Variants in GPATCH8 observed in about 807,000 individuals in gnomAD.
GPATCH8 encodes G-patch domain containing 8.
A neutral mutation model predicts 118.3 loss-of-function variants in GPATCH8; 18 were observed. The observed-to-expected ratio is 0.15, with a 90% CI of 0.11 to 0.23. The LOEUF (loss-of-function observed/expected upper bound fraction) is 0.23, where lower values mean the gene tolerates loss of function less well. Among genes scored for constraint, GPATCH8 ranks in the 10% least tolerant of loss-of-function variants. The pLI is 1.00. For synonymous variants in GPATCH8, 659 were observed against 684.7 expected (o/e 0.96, Z 0.59); for missense variants, 1,631 against 1,873.8 (o/e 0.87, Z 2.39).
chr17:44,493,721 C>T (rs1000070753), intron 1 of GPATCH8, among the ~76,000 whole-genome samples: 1 of 152,130 alleles, frequency 6.6e-6, no homozygotes, highest in Non-Finnish European at 1.5e-5. Flanking sequence ...AATTCCGTCT[C>T]TTTTATTTAA....
intron 6 of GPATCH8, among the ~76,000 whole-genome samples, chr17:44,421,040 C>T (rs761673811): frequency 1.3e-5 from 2 of 151,958 alleles, no homozygotes; most frequent in Non-Finnish European, 2.9e-5. Flanking sequence ...TTAGTAGAGA[C>T]GGGGTTTCAC....
intron 6 of GPATCH8, among the ~76,000 whole-genome samples, chr17:44,421,892 A>C (rs1436963284): frequency 6.6e-6 from 1 of 151,136 alleles, no homozygotes; most frequent in Non-Finnish European, 1.5e-5. Flanking sequence ...ATGCCTGGCT[A>C]ATTTTTGTAG....
At chr17:44,424,534 G>A in intron 5 of GPATCH8, 42 bp from the exon 6 acceptor site, 1 of 1,464,848 alleles carries the variant, frequency 6.8e-7, no homozygotes, top group Non-Finnish European at 9.6e-7. Context: ...AAATGAACTT[G>A]GTAAAACTTT....
At chr17:44,416,644 T>C (rs2049697194) in intron 6 of GPATCH8, among the ~76,000 whole-genome samples, 1 of 152,196 alleles carries the variant, frequency 6.6e-6, no homozygotes, top group African/African-American at 2.4e-5. Flanking sequence ...GCATAATCCC[T>C]GAAGAGAACT....
At chr17:44,437,967 A>G (rs913755695) in intron 3 of GPATCH8, among the ~76,000 whole-genome samples, 50 of 150,972 alleles carry the variant, frequency 3.3e-4, no homozygotes, top group Non-Finnish European at 4.9e-4. Context: ...AAACAAAACA[A>G]CAACTTCTAG....
chr17:44,407,513 C>T (rs2049275663), intron 6 of GPATCH8, among the ~76,000 whole-genome samples: 1 of 152,116 alleles, frequency 6.6e-6, no homozygotes, highest in Non-Finnish European at 1.5e-5. Flanking sequence ...ATGGAACTAC[C>T]TGTATTTCTT....
chr17:44,462,937 C>T (rs1598561702), intron 3 of GPATCH8, among the ~76,000 whole-genome samples: 2 of 151,948 alleles, frequency 1.3e-5, no homozygotes, highest in East Asian at 1.9e-4. Context: ...GCCGAGATCG[C>T]GCCGCTGCAC....
Position 44,448,489 on chromosome 17 carries a change from CA to C in GPATCH8, c.194-11945del, listed in dbSNP as rs1165847501. On this transcript the variant is annotated intron_variant, in intron 3 of 7. Transcript: ENST00000591680. ...GCTGAGGTGGGAGGATCACGTGAGC[CA>C]AAAAAAAAAAAAAGGGGGGGGGGGG... Among the ~76,000 whole-genome samples, 320 of 37,638 alleles carry C rather than the reference CA, an allele frequency of 8.5e-3. 3 individuals carry two copies. Among genetic ancestry groups the C allele is most frequent in the African/African-American group, 0.027 (230 of 8,520 alleles). The allele number at this position is 37,638 out of a possible 152,430, so 24.7% of individuals were successfully genotyped here. A position where few individuals can be genotyped will look rare whatever the true frequency, so the allele number is the denominator to read the frequency against.
chr17:44,499,401 C>A (rs1399303729), intron 1 of GPATCH8, among the ~76,000 whole-genome samples: 3 of 152,096 alleles, frequency 2.0e-5, no homozygotes, highest in Non-Finnish European at 4.4e-5. Context: ...ACCCGGGAGG[C>A]GGAGGTTGAG....
intron 3 of GPATCH8, among the ~76,000 whole-genome samples, chr17:44,457,294 T>C (rs2051371975): frequency 6.6e-6 from 1 of 152,160 alleles, no homozygotes; most frequent in Admixed American, 6.5e-5. Flanking sequence ...GCCCACAGAA[T>C]GTACCATTTT....
intron 1 of GPATCH8, among the ~76,000 whole-genome samples, chr17:44,478,854 T>A (rs1967986231): frequency 6.6e-6 from 1 of 152,084 alleles, no homozygotes; most frequent in Admixed American, 6.6e-5. Flanking sequence ...TCCTCCCACC[T>A]CAGCCTCCCA....
chr17:44,397,967 G>A lies in GPATCH8; in HGVS notation c.4110C>T (p.Thr1370=), dbSNP rs1290582553. 2 of 1,614,104 alleles carry A rather than the reference G, an allele frequency of 1.2e-6. No individual in the cohort carries two copies. Among genetic ancestry groups the A allele is most frequent in the Non-Finnish European group, 1.7e-6 (2 of 1,179,964 alleles). ...HIQQPATASA[T]SITTVQHAIL... ...TGGCATGCTGAACAGTTGTGATGGAGGTGGCAGAGGCTGTAGCTGGCTGCT... is the reference window on the plus strand; with the variant it reads ...TGGCATGCTGAACAGTTGTGATGGAAGTGGCAGAGGCTGTAGCTGGCTGCT... The change falls in exon 8 of 8, where the codon ACC becomes ACT. Residue 1370 remains threonine, a synonymous_variant. Coordinates refer to ENST00000591680, the MANE Select transcript of GPATCH8 (RefSeq NM_001002909.4).
chr17:44,476,503 C>G (rs1024236796), intron 1 of GPATCH8, among the ~76,000 whole-genome samples: 3 of 152,160 alleles, frequency 2.0e-5, no homozygotes, highest in African/African-American at 7.2e-5. Context: ...CCGCACCCAG[C>G]CTGTTTTACT....
chr17:44,421,344 GA>G (rs1273684342), intron 6 of GPATCH8, among the ~76,000 whole-genome samples: 1 of 150,124 alleles, frequency 6.7e-6, no homozygotes, highest in African/African-American at 2.4e-5. Context: ...TCCATCTCAA[GA>G]AAAACAAACA....
At chr17:44,465,309 T>C (rs1031100639) in intron 2 of GPATCH8, 2 of 152,118 alleles carry the variant, frequency 1.3e-5, no homozygotes, top group African/African-American at 4.8e-5. Flanking sequence ...TAAAGAACCA[T>C]TAGTGCATGT....
chr17:44,449,122 CA>C (rs2051016796), intron 3 of GPATCH8, among the ~76,000 whole-genome samples: 1 of 151,920 alleles, frequency 6.6e-6, no homozygotes, highest in East Asian at 1.9e-4. Context: ...CTAAAAAATA[CA>C]AAAATTAGCC....
At chr17:44,477,879 A>C (rs1281123488) in intron 1 of GPATCH8, among the ~76,000 whole-genome samples, 2 of 152,192 alleles carry the variant, frequency 1.3e-5, no homozygotes, top group Non-Finnish European at 2.9e-5. Flanking sequence ...ATGCCATCTC[A>C]GCTCACTGCA....
At chr17:44,482,830 A>G (rs1352305473) in intron 1 of GPATCH8, among the ~76,000 whole-genome samples, 2 of 150,404 alleles carry the variant, frequency 1.3e-5, no homozygotes, top group Non-Finnish European at 3.0e-5. Context: ...TCTAGAATAC[A>G]TTAGAAGCTT....
At chr17:44,409,689 C>A (rs553163551) in intron 6 of GPATCH8, among the ~76,000 whole-genome samples, 10 of 152,322 alleles carry the variant, frequency 6.6e-5, no homozygotes, top group African/African-American at 2.4e-4. Context: ...TGAGTTCCAG[C>A]TCCCTCATTA....
Sources: allele counts gnomAD v4.1 joint callset (sites outside exome capture counted in the v4.1 genomes callset), GRCh38; gene constraint gnomAD v4.1.1; transcripts MANE v1.5; gene names NCBI Gene and HGNC (gene_info 2026-07-23, HGNC 2026-07-21).